VGLL4: variants seen among roughly 807,000 people sequenced by gnomAD.
VGLL4 encodes vestigial like family member 4.
Under a neutral mutation model 21.0 loss-of-function variants are expected in VGLL4, and 7 were observed. That is an observed-to-expected ratio of 0.33 (90% CI 0.19 to 0.63). The LOEUF (loss-of-function observed/expected upper bound fraction) is 0.63. VGLL4 is among the 20% of genes least tolerant of loss of function. The pLI, the probability that VGLL4 is intolerant of heterozygous loss-of-function variation, is 0.78. For synonymous variants in VGLL4, 222 were observed against 173.2 expected (o/e 1.28, Z -2.21); for missense variants, 394 against 425.7 (o/e 0.93, Z 0.66).
At chr3:11,620,529 C>A (rs917906898) in intron 1 of VGLL4, among the ~76,000 whole-genome samples, 1 of 152,182 alleles carries the variant, frequency 6.6e-6, no homozygotes, top group Non-Finnish European at 1.5e-5. Flanking sequence ...TACGTAAAAC[C>A]TTTGCTTGCA....
chr3:11,569,762 G>A (rs781264714), intron 2 of VGLL4, among the ~76,000 whole-genome samples: 2 of 152,202 alleles, frequency 1.3e-5, no homozygotes, highest in Non-Finnish European at 2.9e-5. Flanking sequence ...TGCACCTGTG[G>A]TCCCAGCTAC....
chr3:11,643,812 GAA>G lies in VGLL4; in HGVS notation c.-296_-295del. 1.8e-6 allele frequency: 2 copies of G among 1,100,706 alleles called. No individual in the cohort carries two copies. The highest frequency in any genetic ancestry group is 1.2e-4 in the East Asian group (2 of 16,476). The allele number at this position is 1,100,706 out of a possible 1,614,324, so 68.2% of individuals were successfully genotyped here. A position where few individuals can be genotyped will look rare whatever the true frequency, so the allele number is the denominator to read the frequency against. On this transcript the variant is annotated 5_prime_UTR_variant, in exon 1 of 5. Coordinates refer to ENST00000430365, the MANE Select transcript of VGLL4 (RefSeq NM_001128219.3). ...TCCTTACAAGTCCTTCCTGGAAATG[GAA>G]AAGAGTGAAAAAGAGAAACGCGCAG...
At chr3:11,677,163 A>C (rs952105139) in intron 2 of VGLL4, among the ~76,000 whole-genome samples, 2 of 152,236 alleles carry the variant, frequency 1.3e-5, no homozygotes, top group African/African-American at 4.8e-5. Flanking sequence ...CTTAGCATAC[A>C]TTCCTAAAAG....
At chr3:11,670,902 TGGC>T (rs1447566333) in intron 2 of VGLL4, among the ~76,000 whole-genome samples, 1 of 152,038 alleles carries the variant, frequency 6.6e-6, no homozygotes, top group Non-Finnish European at 1.5e-5. Flanking sequence ...CAAGGTGTGG[TGGC>T]GCATGCCTGT....
chr3:11,593,732 G>A (rs6442264), intron 2 of VGLL4, among the ~76,000 whole-genome samples: 142,124 of 152,278 alleles, frequency 0.93, 66,456 homozygotes, highest in African/African-American at 0.95. Flanking sequence ...GGGACATCGG[G>A]CTCCAGCAAA....
rs1022421065 is a variant in VGLL4, at chr3:11,556,266, C to T, written c.*2290G>A. 1 of 152,702 alleles carries T rather than the reference C, an allele frequency of 6.5e-6. No individual in the cohort carries two copies. Among genetic ancestry groups the T allele is most frequent in the Non-Finnish European group, 1.5e-5 (1 of 68,068 alleles). 9.5% of individuals were successfully genotyped at this position (152,702 alleles called of 1,614,324 possible). A position where few individuals can be genotyped will look rare whatever the true frequency, so the allele number is the denominator to read the frequency against. ...TGGGAAGAACTTCACGGAGCCCCTTCTTAGAGCAGGGAGGGGGCTTTCTCA... is the reference window on the plus strand; with the variant it reads ...TGGGAAGAACTTCACGGAGCCCCTTTTTAGAGCAGGGAGGGGGCTTTCTCA... On this transcript the variant is annotated 3_prime_UTR_variant, in exon 5 of 5. Coordinates refer to ENST00000430365, the MANE Select transcript of VGLL4 (RefSeq NM_001128219.3).
At position 11,559,315 on chromosome 3, in the gene VGLL4, A is replaced by C. The variant is rs913061894; in HGVS notation, c.619+17T>G. On this transcript the variant is annotated intron_variant, in intron 4 of 4. Coordinates refer to ENST00000430365, the MANE Select transcript of VGLL4 (RefSeq NM_001128219.3). ...ACTAGCACAGCTGTGACAGGTGAGG[A>C]GGCCCGGGACACTCACCGCTCGGTG... 24 of 1,521,320 alleles carry C rather than the reference A, an allele frequency of 1.6e-5. No individual in the cohort carries two copies. Among genetic ancestry groups the C allele is most frequent in the Admixed American group, 6.4e-5 (3 of 46,918 alleles). The allele number at this position is 1,521,320 out of a possible 1,614,324, so 94.2% of individuals were successfully genotyped here. A position where few individuals can be genotyped will look rare whatever the true frequency, so the allele number is the denominator to read the frequency against.
At position 11,593,864 on chromosome 3, in the gene VGLL4, C is replaced by T. The variant is rs530385171; in HGVS notation, c.272+7969G>A. ...CGTTTTCTTTCACTGGGCCCTTCCT[C>T]GTTCATTATGGGTTGCTCAGTGGGT... On this transcript the variant is annotated intron_variant, in intron 2 of 4. Transcript: ENST00000430365. 3.2e-4 allele frequency among the ~76,000 whole-genome samples: 49 copies of T among 152,314 alleles called. 2 individuals carry two copies. In the Middle Eastern group the frequency reaches 0.027, roughly 85 times the overall value.
intron 2 of VGLL4, among the ~76,000 whole-genome samples, chr3:11,657,541 T>TA (rs2075975483): frequency 6.6e-6 from 1 of 152,062 alleles, no homozygotes; most frequent in Non-Finnish European, 1.5e-5. Context: ...GGATCTTAAC[T>TA]AACCCAAAGT....
Position 11,558,483 on chromosome 3 carries a change from T to C in VGLL4, c.*73A>G. On this transcript the variant is annotated 3_prime_UTR_variant, in exon 5 of 5. Transcript: ENST00000430365. ...CCCACCCCACCCCCATGATTTTTTT[T>C]TTTTTAAGTACTGACTGTTCAAAGC... The C allele has an allele frequency of 6.8e-7, 1 of 1,479,492 alleles. No individual in the cohort carries two copies. Among genetic ancestry groups the C allele is most frequent in the South Asian group, 1.4e-5 (1 of 73,158 alleles). The allele number at this position is 1,479,492 out of a possible 1,614,324, so 91.6% of individuals were successfully genotyped here.
At chr3:11,713,571 TA>T (rs1251880968) in intron 1 of VGLL4, among the ~76,000 whole-genome samples, 10 of 43,366 alleles carry the variant, frequency 2.3e-4, no homozygotes, top group Non-Finnish European at 5.6e-4. Context: ...ATATTATTTA[TA>T]TATATATATA....
intron 1 of VGLL4, among the ~76,000 whole-genome samples, chr3:11,608,508 A>C (rs7622032): frequency 0.94 from 142,383 of 152,142 alleles, 66,763 homozygotes; most frequent in African/African-American, 0.95. Flanking sequence ...TTTCAATGGC[A>C]GAGAAGTTTA....
chr3:11,589,206 T>C (rs1407265126), intron 2 of VGLL4, among the ~76,000 whole-genome samples: 1 of 152,122 alleles, frequency 6.6e-6, no homozygotes, highest in Non-Finnish European at 1.5e-5. Context: ...AACAGAATTG[T>C]TGGTATGGAT....
At chr3:11,642,022 T>TAAA (rs59892024) in intron 1 of VGLL4, among the ~76,000 whole-genome samples, 77 of 139,934 alleles carry the variant, frequency 5.5e-4, no homozygotes, top group Admixed American at 1.5e-3. Context: ...CGGGGATGGT[T>TAAA]AAAAAAAAAA....
chr3:11,618,225 T>C (rs894014486), intron 1 of VGLL4, among the ~76,000 whole-genome samples: 1 of 152,172 alleles, frequency 6.6e-6, no homozygotes, highest in Non-Finnish European at 1.5e-5. Context: ...TACAGATATG[T>C]TGGGTTTTTC....
At chr3:11,596,452 C>G (rs2074642440) in intron 2 of VGLL4, among the ~76,000 whole-genome samples, 1 of 152,218 alleles carries the variant, frequency 6.6e-6, no homozygotes, top group African/African-American at 2.4e-5. Context: ...CTGAAGTGCA[C>G]TGCAGGAGTG....
intron 2 of VGLL4, among the ~76,000 whole-genome samples, chr3:11,596,065 C>T (rs2074633617): frequency 6.6e-6 from 1 of 151,942 alleles, no homozygotes; most frequent in Admixed American, 6.5e-5. Flanking sequence ...TTTACCAAAA[C>T]AGAAACACAA....
chr3:11,650,160 C>T (rs1284595998), intron 2 of VGLL4, among the ~76,000 whole-genome samples: 1 of 152,094 alleles, frequency 6.6e-6, no homozygotes, highest in South Asian at 2.1e-4. Context: ...GTCTTGAACT[C>T]CTGGCCTTAA....
intron 2 of VGLL4, among the ~76,000 whole-genome samples, chr3:11,652,050 C>T (rs2075879482): frequency 6.6e-6 from 1 of 152,096 alleles, no homozygotes; most frequent in Admixed American, 6.5e-5. Flanking sequence ...GATTTTAACA[C>T]AAATCTATGG....
Sources: gnomAD v4.1 joint callset for allele counts (sites outside exome capture counted in the v4.1 genomes callset) on GRCh38, gnomAD v4.1.1 for gene constraint, MANE v1.5 for transcripts, NCBI Gene and HGNC (gene_info 2026-07-23, HGNC 2026-07-21) for gene names.